Variants in JAM2 observed in about 807,000 individuals in gnomAD.
JAM2 encodes junctional adhesion molecule 2.
A neutral mutation model predicts 42.0 loss-of-function variants in JAM2; 17 were observed. The ratio of observed to expected loss-of-function variants is 0.40; its 90% confidence interval spans 0.28 to 0.61. The LOEUF (loss-of-function observed/expected upper bound fraction) is 0.61, where lower values mean the gene tolerates loss of function less well. Among genes scored for constraint, JAM2 ranks in the 20% least tolerant of loss-of-function variants. JAM2 has a pLI of 0.37. For synonymous variants in JAM2, 118 were observed against 128.6 expected (o/e 0.92, Z 0.56); for missense variants, 319 against 358.3 (o/e 0.89, Z 0.89).
Position 25,700,620 on chromosome 21 carries a change from A to G in JAM2, c.598-1550A>G, listed in dbSNP as rs1410280725. 3.3e-5 allele frequency among the ~76,000 whole-genome samples: 5 copies of G among 152,166 alleles called. No individual in the cohort carries two copies. In the South Asian group the frequency reaches 8.3e-4, roughly 25 times the overall value. ...AAGTGATCGCTCGCCTGGGCCTCCA[A>G]AAGTGCTGGGATTACAGCTGTGAGC... On this transcript the variant is annotated intron_variant, in intron 5 of 9. Coordinates refer to ENST00000480456, the MANE Select transcript of JAM2 (RefSeq NM_021219.4).
chr21:25,713,968 T>A (rs1010824955), intron 9 of JAM2, among the ~76,000 whole-genome samples: 1 of 152,256 alleles, frequency 6.6e-6, no homozygotes, highest in Non-Finnish European at 1.5e-5. Context: ...ACAGGGTTTC[T>A]CAACCTCAGC....
At chr21:25,672,035 G>A (rs545045469) in intron 1 of JAM2, among the ~76,000 whole-genome samples, 17 of 152,258 alleles carry the variant, frequency 1.1e-4, no homozygotes, top group African/African-American at 3.6e-4. Flanking sequence ...ACGTAGCGTG[G>A]GAGGTGGAGA....
At chr21:25,654,947 G>T (rs2032889522) in intron 1 of JAM2, among the ~76,000 whole-genome samples, 1 of 152,184 alleles carries the variant, frequency 6.6e-6, no homozygotes, top group African/African-American at 2.4e-5. Flanking sequence ...TGAAACACAT[G>T]CATCTAAAGG....
intron 4 of JAM2, among the ~76,000 whole-genome samples, chr21:25,695,504 C>T (rs963188407): frequency 2.6e-5 from 4 of 152,156 alleles, no homozygotes; most frequent in African/African-American, 9.7e-5. Context: ...ACCTCCCAGA[C>T]GGGGCGGCCG....
At chr21:25,652,188 C>T (rs2032801188) in intron 1 of JAM2, among the ~76,000 whole-genome samples, 1 of 151,976 alleles carries the variant, frequency 6.6e-6, no homozygotes, top group African/African-American at 2.4e-5. Context: ...GAGTTCAAGA[C>T]CAGCCTAGGC....
chr21:25,707,009 A>C (rs958283934), intron 7 of JAM2, among the ~76,000 whole-genome samples: 6 of 152,196 alleles, frequency 3.9e-5, no homozygotes, highest in Admixed American at 1.3e-4. Context: ...AAGTGCTGGG[A>C]TAACAGGTGT....
At chr21:25,663,581 T>C (rs1209531892) in intron 1 of JAM2, among the ~76,000 whole-genome samples, 1 of 152,098 alleles carries the variant, frequency 6.6e-6, no homozygotes, top group Non-Finnish European at 1.5e-5. Flanking sequence ...AAGGAATTAA[T>C]GAGTTATCAT....
chr21:25,646,384 T>C (rs971754232), intron 1 of JAM2, among the ~76,000 whole-genome samples: 1 of 152,240 alleles, frequency 6.6e-6, no homozygotes, highest in African/African-American at 2.4e-5. Context: ...TTGGTTACTA[T>C]GTATACCTTC....
At chr21:25,641,498 A>T (rs78100866) in intron 1 of JAM2, among the ~76,000 whole-genome samples, 12 of 152,262 alleles carry the variant, frequency 7.9e-5, no homozygotes, top group African/African-American at 2.9e-4. Flanking sequence ...TGATTCCTAT[A>T]GGGGATGTAT....
At chr21:25,654,860 C>T (rs555370859) in intron 1 of JAM2, among the ~76,000 whole-genome samples, 1 of 152,116 alleles carries the variant, frequency 6.6e-6, no homozygotes, top group East Asian at 1.9e-4. Flanking sequence ...GAATAACTGA[C>T]CAGGTTTCTG....
chr21:25,684,526 T>TA (rs148320738), intron 2 of JAM2, among the ~76,000 whole-genome samples: 11,238 of 152,272 alleles, frequency 0.074, 626 homozygotes, highest in East Asian at 0.3. Context: ...TTGCCACAGT[T>TA]AAAAAATTGT....
rs1421270599 is a variant in JAM2 at position 25,689,944 on chromosome 21, C to T, written c.212C>T (p.Ser71Phe). 1.9e-6 allele frequency: 3 copies of T among 1,612,354 alleles called. No homozygotes were observed. Among genetic ancestry groups the T allele is most frequent in the Non-Finnish European group, 2.5e-6 (3 of 1,178,680 alleles). ...LEWKKLGRSV[S>F]FVYYQQTLQG... ...TGGAAGAAACTGGGTCGGAGTGTCT[C>T]CTTTGTCTACTATCAACAGACTCTT... Residue 71 changes from serine (S) to phenylalanine (F), a missense_variant, in exon 3 of 10, where the codon TCC (serine) becomes TTC (phenylalanine). Physicochemically the swap from Ser to Phe is radical, Grantham distance 155. Transcript: ENST00000480456.
intron 4 of JAM2, among the ~76,000 whole-genome samples, chr21:25,694,730 C>T (rs2123389425): frequency 6.6e-6 from 1 of 151,822 alleles, no homozygotes; most frequent in South Asian, 2.1e-4. Context: ...GTCTCAGCTA[C>T]TTGGGAGGCT....
intron 2 of JAM2, among the ~76,000 whole-genome samples, chr21:25,688,292 A>G (rs1568908268): frequency 7.3e-6 from 1 of 137,016 alleles, no homozygotes; most frequent in Admixed American, 7.4e-5. Flanking sequence ...ACACGCGCCC[A>G]CACGCACGCA....
intron 2 of JAM2, among the ~76,000 whole-genome samples, chr21:25,684,207 AATTTGTG>A (rs2033700039): frequency 1.3e-5 from 2 of 152,202 alleles, no homozygotes; most frequent in South Asian, 4.1e-4. Context: ...AAGCAAATCT[AATTTGTG>A]AAACTGGGAG....
intron 1 of JAM2, among the ~76,000 whole-genome samples, chr21:25,652,543 A>G (rs2032811735): frequency 6.6e-6 from 1 of 152,212 alleles, no homozygotes; most frequent in Non-Finnish European, 1.5e-5. Context: ...AATAGCTACA[A>G]ATATGTTTTA....
chr21:25,662,478 T>C (rs1014229965), intron 1 of JAM2, among the ~76,000 whole-genome samples: 6 of 151,944 alleles, frequency 3.9e-5, no homozygotes, highest in African/African-American at 1.5e-4. Flanking sequence ...TTTTGAGACA[T>C]GGTCCCACTC....
intron 1 of JAM2, among the ~76,000 whole-genome samples, chr21:25,661,660 T>C (rs886439727): frequency 6.6e-6 from 1 of 151,924 alleles, no homozygotes; most frequent in African/African-American, 2.4e-5. Context: ...GTAATGTTTA[T>C]TATCTATAAA....
At position 25,639,858 on chromosome 21, in the gene JAM2, C is replaced by A; in HGVS notation, c.37C>A (p.Leu13Met). The change falls in exon 1 of 10, where the codon CTG (leucine) becomes ATG (methionine). Residue 13 changes from leucine to methionine, a missense_variant. Leu to Met is a conservative substitution (Grantham distance 15). Coordinates refer to ENST00000480456, the MANE Select transcript of JAM2 (RefSeq NM_021219.4). ...GAGCCGCCACCGCCTCCTCCTGCTG[C>A]TGCTGCGCTACCTGGTGGTCGCCCT... ...RRSRHRLLLL[L>M]LRYLVVALGY... 1 of 1,595,526 alleles carries A rather than the reference C, an allele frequency of 6.3e-7. No homozygotes were observed. Among genetic ancestry groups the A allele is most frequent in the Non-Finnish European group, 8.5e-7 (1 of 1,172,540 alleles).
Sources: allele counts gnomAD v4.1 joint callset (sites outside exome capture counted in the v4.1 genomes callset), GRCh38; gene constraint gnomAD v4.1.1; transcripts MANE v1.5; gene names NCBI Gene and HGNC (gene_info 2026-07-23, HGNC 2026-07-21).